The following ADGRF5 variants were observed in gnomAD, a reference collection of about 807,000 sequenced individuals.
ADGRF5 encodes adhesion G protein-coupled receptor F5, also known as G-protein coupled receptor 116.
In ADGRF5, 75 loss-of-function variants were observed where a neutral mutation model predicts 132.3. The observed-to-expected ratio is 0.57, with a 90% CI of 0.47 to 0.69. The LOEUF (loss-of-function observed/expected upper bound fraction) is 0.69, where lower values mean the gene tolerates loss of function less well. Among genes scored for constraint, ADGRF5 ranks in the 30% least tolerant of loss-of-function variants. The pLI, the probability that ADGRF5 is intolerant of heterozygous loss-of-function variation, is 0.00. For synonymous variants in ADGRF5, 629 were observed against 597.6 expected, an observed-to-expected ratio of 1.05 and a Z score of -0.77; for missense variants, 1,516 against 1,630.6, an observed-to-expected ratio of 0.93 and a Z score of 1.21.
chr6:46,905,808 AAG>A (rs1216412496), intron 2 of ADGRF5, among the ~76,000 whole-genome samples: 2 of 152,242 alleles, frequency 1.3e-5, no homozygotes, highest in Non-Finnish European at 2.9e-5. Context: ...TTACTACAAT[AAG>A]AGAAACAATA....
chr6:46,868,169 T>A (rs1408520529), intron 12 of ADGRF5, among the ~76,000 whole-genome samples: 1 of 152,062 alleles, frequency 6.6e-6, no homozygotes, highest in Admixed American at 6.5e-5. Flanking sequence ...TGGCTAAGAG[T>A]TGACCACTGG....
rs1770090857 is a variant in ADGRF5 at position 46,864,076 on chromosome 6, C to G, written c.1990+966G>C. Among the ~76,000 whole-genome samples, 3 of 152,184 alleles carry G rather than the reference C, an allele frequency of 2.0e-5. No homozygotes were observed. In the South Asian group the frequency reaches 6.2e-4, roughly 32 times the overall value. On this transcript the variant is annotated intron_variant, in intron 14 of 20. Coordinates refer to ENST00000283296, the MANE Select transcript of ADGRF5 (RefSeq NM_001098518.2). ...CCTTTGTCTATCACAAGTCCTGTTG[C>G]TGGGAAGATTTAAGAGGATGAGGAG...
Position 46,920,974 on chromosome 6 carries a change from C to T in ADGRF5, c.-25+739G>A, listed in dbSNP as rs143742520. On this transcript the variant is annotated intron_variant, in intron 1 of 20. Coordinates refer to ENST00000283296, the MANE Select transcript of ADGRF5 (RefSeq NM_001098518.2). ...ATAACCTACATTGAAAAACCAACTACGTTAGCCCTTTATGAAAGAAAAAAT... is the reference window on the plus strand; with the variant it reads ...ATAACCTACATTGAAAAACCAACTATGTTAGCCCTTTATGAAAGAAAAAAT... Among the ~76,000 whole-genome samples the T allele has an allele frequency of 2.2e-3, 337 of 152,286 alleles. 1 individual carries two copies. Among genetic ancestry groups the T allele is most frequent in the African/African-American group, 7.6e-3 (316 of 41,558 alleles).
intron 14 of ADGRF5, 46 bp from the exon 15 acceptor site, chr6:46,863,142 C>T (rs749814685): frequency 4.3e-6 from 6 of 1,392,886 alleles, no homozygotes; most frequent in Non-Finnish European, 6.1e-6. Context: ...AAGGAAGAGA[C>T]AATATAGTAG....
chr6:46,944,605 C>T (rs575666008), intron 1 of ADGRF5, among the ~76,000 whole-genome samples: 1 of 152,302 alleles, frequency 6.6e-6, no homozygotes, highest in East Asian at 1.9e-4. Flanking sequence ...CTCTAGACCA[C>T]ACTTGCACAA....
At chr6:46,866,510 T>C (rs781406747) in intron 13 of ADGRF5, among the ~76,000 whole-genome samples, 1 of 152,192 alleles carries the variant, frequency 6.6e-6, no homozygotes, top group African/African-American at 2.4e-5. Flanking sequence ...TTCTATTTTA[T>C]TTTCCTCTAC....
chr6:46,953,419 C>T (rs1481123028), intron 1 of ADGRF5, among the ~76,000 whole-genome samples: 1 of 151,708 alleles, frequency 6.6e-6, no homozygotes, highest in Non-Finnish European at 1.5e-5. Context: ...GTCAGGAGTT[C>T]GAGACCAGCC....
intron 16 of ADGRF5, among the ~76,000 whole-genome samples, chr6:46,859,852 TC>T: frequency 6.6e-6 from 1 of 152,088 alleles, no homozygotes; most frequent in South Asian, 2.1e-4. Flanking sequence ...TTATTTTAAA[TC>T]TTAAGCCTAT....
intron 1 of ADGRF5, among the ~76,000 whole-genome samples, chr6:46,948,475 AGTGTGTGTGTGTGTGT>A (rs3030417): frequency 2.2e-4 from 31 of 143,384 alleles, no homozygotes; most frequent in Non-Finnish European, 3.1e-4. Flanking sequence ...TGCTCTAGTG[AGTGTGTGTGTGTGTGT>A]GTGTGTGTGT....
chr6:46,855,769 TA>T (rs1458937813), intron 20 of ADGRF5, among the ~76,000 whole-genome samples: 10 of 152,204 alleles, frequency 6.6e-5, no homozygotes, highest in Non-Finnish European at 8.8e-5. Context: ...TGAGTTATTA[TA>T]AGTTGCTTAG....
intron 3 of ADGRF5, among the ~76,000 whole-genome samples, chr6:46,892,522 C>T (rs1314088780): frequency 2.0e-5 from 3 of 152,172 alleles, no homozygotes; most frequent in East Asian, 1.9e-4. Context: ...GAGGCTGAGG[C>T]GGGTGGATCA....
chr6:46,912,624 C>T (rs1024146743), intron 1 of ADGRF5, among the ~76,000 whole-genome samples: 1 of 151,968 alleles, frequency 6.6e-6, no homozygotes, highest in Non-Finnish European at 1.5e-5. Context: ...CTACAGAATT[C>T]CAACAATCAA....
chr6:46,932,621 C>T lies in ADGRF5; in HGVS notation c.-25+22113G>A, dbSNP rs554620911. Among the ~76,000 whole-genome samples the T allele has an allele frequency of 3.5e-4, 53 of 152,236 alleles. No homozygotes were observed. In the Middle Eastern group the frequency reaches 0.014, roughly 39 times the overall value. ...TTTCTGAGGAAGAGCTAGAAATTCC[C>T]AGTACAAAACAGATGCTCAATAATT... On this transcript the variant is annotated intron_variant, in intron 1 of 20. Transcript: ENST00000265417.
At chr6:46,864,531 T>C (rs796649417) in intron 14 of ADGRF5, among the ~76,000 whole-genome samples, 4 of 150,020 alleles carry the variant, frequency 2.7e-5, no homozygotes, top group African/African-American at 9.8e-5. Context: ...TAATAATTTT[T>C]TTTTTTTTTT....
intron 15 of ADGRF5, 39 bp from the exon 16 acceptor site, chr6:46,860,933 A>T (rs540727): frequency 6.5e-7 from 1 of 1,534,288 alleles, no homozygotes; most frequent in Non-Finnish European, 8.9e-7. Flanking sequence ...AAATTTACCA[A>T]TCAATTCAGC....
At chr6:46,901,339 G>A (rs1774742227) in intron 2 of ADGRF5, among the ~76,000 whole-genome samples, 1 of 151,982 alleles carries the variant, frequency 6.6e-6, no homozygotes, top group East Asian at 1.9e-4. Flanking sequence ...ACACTCAATA[G>A]AAAAGCCCCA....
chr6:46,954,364 G>T (rs576600309), intron 1 of ADGRF5, among the ~76,000 whole-genome samples: 3 of 145,714 alleles, frequency 2.1e-5, no homozygotes, highest in Non-Finnish European at 3.0e-5. Flanking sequence ...GAGTAATAAA[G>T]AAATCATGGT....
At chr6:46,854,527 G>A (rs190755733) in intron 20 of ADGRF5, among the ~76,000 whole-genome samples, 178 of 152,230 alleles carry the variant, frequency 1.2e-3, no homozygotes, top group African/African-American at 4.2e-3. Flanking sequence ...ATTATAGGGG[G>A]AGAAAAAGCA....
chr6:46,881,647 T>C (rs1645129427), intron 7 of ADGRF5, 50 bp from the exon 8 acceptor site: 4 of 1,542,762 alleles, frequency 2.6e-6, no homozygotes, highest in Admixed American at 1.8e-5. Context: ...CCTGGAAGAG[T>C]CTAGATATTT....
Sources: allele counts gnomAD v4.1 joint callset (sites outside exome capture counted in the v4.1 genomes callset), GRCh38; gene constraint gnomAD v4.1.1; transcripts MANE v1.5; gene names NCBI Gene and HGNC (gene_info 2026-07-23, HGNC 2026-07-21).